The following KIAA0513 variants were observed in gnomAD, a reference collection of about 807,000 sequenced individuals.
KIAA0513 encodes KIAA0513, also known as uncharacterized protein KIAA0513.
In KIAA0513, 39 loss-of-function variants were observed where a neutral mutation model predicts 56.5. That is an observed-to-expected ratio of 0.69 (90% CI 0.53 to 0.90). KIAA0513 has a LOEUF of 0.90. Among genes scored for constraint, KIAA0513 ranks in the 40% least tolerant of loss-of-function variants. KIAA0513 has a pLI of 0.00. For missense variants in KIAA0513, 591 were observed against 535.2 expected (o/e 1.10, Z -1.03); for synonymous variants, 268 against 215.6 (o/e 1.24, Z -2.13).
At chr16:85,041,130 G>T (rs572924091) in intron 1 of KIAA0513, among the ~76,000 whole-genome samples, 76 of 152,266 alleles carry the variant, frequency 5.0e-4, no homozygotes, top group Non-Finnish European at 5.9e-5. Flanking sequence ...CAGTTTTAGG[G>T]TTTTGGGGAA....
intron 1 of KIAA0513, among the ~76,000 whole-genome samples, chr16:85,057,005 G>T (rs1226651907): frequency 6.6e-6 from 1 of 152,166 alleles, no homozygotes; most frequent in Non-Finnish European, 1.5e-5. Flanking sequence ...GCACCCAGCC[G>T]AGATACTTGT....
chr16:85,052,959 C>T (rs760962134), intron 1 of KIAA0513, among the ~76,000 whole-genome samples: 11 of 152,112 alleles, frequency 7.2e-5, no homozygotes, highest in East Asian at 5.8e-4. Context: ...GGCACGATCT[C>T]GGCTCACTGC....
intron 1 of KIAA0513, among the ~76,000 whole-genome samples, chr16:85,035,125 T>C (rs910488103): frequency 1.3e-5 from 2 of 152,170 alleles, no homozygotes; most frequent in Non-Finnish European, 2.9e-5. Flanking sequence ...CAGGACATCT[T>C]CCCGGAGCCC....
rs2073491536 is a variant in KIAA0513, at chr16:85,066,976, G to A, written c.-96G>A. 2 of 1,087,930 alleles carry A rather than the reference G, an allele frequency of 1.8e-6. No homozygotes were observed. The highest frequency in any genetic ancestry group is 2.6e-6 in the Non-Finnish European group (2 of 768,708). 67.4% of individuals were successfully genotyped at this position (1,087,930 alleles called of 1,614,324 possible). ...CAGTTACTGGCAACTTGTGAGCTTG[G>A]TGGGCTCCTACTAACGCACCTGGGA... On this transcript the variant is annotated 5_prime_UTR_variant, in exon 2 of 13. The change creates a new upstream start codon in the 5' untranslated region. Transcript: ENST00000683363.
intron 12 of KIAA0513, among the ~76,000 whole-genome samples, chr16:85,087,870 G>A (rs942334355): frequency 2.6e-5 from 4 of 152,236 alleles, no homozygotes; most frequent in African/African-American, 4.8e-5. Flanking sequence ...AATGTTGCTC[G>A]CAGCCCCACC....
intron 1 of KIAA0513, among the ~76,000 whole-genome samples, chr16:85,061,371 G>C (rs1357928271): frequency 6.6e-6 from 1 of 152,146 alleles, no homozygotes; most frequent in South Asian, 2.1e-4. Context: ...AGGGCCCCTG[G>C]TTCTCCAGCT....
intron 1 of KIAA0513, among the ~76,000 whole-genome samples, chr16:85,053,498 C>G (rs1197691339): frequency 1.3e-5 from 2 of 152,142 alleles, no homozygotes; most frequent in African/African-American, 4.8e-5. Flanking sequence ...TAGGCCTGGA[C>G]TAGAGTTTGC....
intron 1 of KIAA0513, among the ~76,000 whole-genome samples, chr16:85,041,424 C>T (rs1431718273): frequency 3.9e-5 from 6 of 152,202 alleles, no homozygotes; most frequent in Non-Finnish European, 7.3e-5. Flanking sequence ...GCATCTGCCT[C>T]CTGGAGTCAG....
chr16:85,082,812 C>T (rs967772992), intron 10 of KIAA0513, among the ~76,000 whole-genome samples: 40 of 152,222 alleles, frequency 2.6e-4, no homozygotes, highest in African/African-American at 9.2e-4. Flanking sequence ...GGGAGCCTGC[C>T]AAGGCCGGAG....
chr16:85,082,566 G>A lies in KIAA0513; in HGVS notation c.983G>A (p.Gly328Glu). Reference protein sequence around the residue: ...ERTKRSPTTRGDAGEEEEKRE... With the variant: ...ERTKRSPTTREDAGEEEEKRE... ...ACCTGTTTCTGCTGCCGCTCCAGAG[G>A]GGATGCTGGAGAGGAGGAGGAGAAG... is the stretch of plus-strand genomic sequence containing the variant. The change falls in exon 10 of 13, where the codon GGG becomes GAG. Residue 328 changes from glycine to glutamate, a missense_variant and splice_region_variant. Transcript: ENST00000683363. 2 of 1,614,046 alleles carry A rather than the reference G, an allele frequency of 1.2e-6. No individual in the cohort carries two copies. Among genetic ancestry groups the A allele is most frequent in the South Asian group, 1.1e-5 (1 of 91,076 alleles).
At chr16:85,049,689 C>G (rs2073221927) in intron 1 of KIAA0513, among the ~76,000 whole-genome samples, 1 of 152,162 alleles carries the variant, frequency 6.6e-6, no homozygotes, top group Non-Finnish European at 1.5e-5. Context: ...TGAGGCATCC[C>G]CAGAAGTCAA....
intron 1 of KIAA0513, among the ~76,000 whole-genome samples, chr16:85,060,877 G>T (rs1248735097): frequency 6.6e-6 from 1 of 151,586 alleles, no homozygotes; most frequent in Non-Finnish European, 1.5e-5. Flanking sequence ...AAAAAGACTG[G>T]GCCCAGTGGC....
chr16:85,068,719 G>A (rs1489634760), intron 2 of KIAA0513, among the ~76,000 whole-genome samples: 10 of 151,774 alleles, frequency 6.6e-5, no homozygotes, highest in East Asian at 5.8e-4. Context: ...CGCCTGCCTC[G>A]GCCTCCCAAA....
rs1212225400 is a variant in KIAA0513, at chr16:85,081,191, C to CGA, written c.903-124_903-123insGA. 1.1e-6 allele frequency: 1 copy of CGA among 873,972 alleles called. No homozygotes were observed. The highest frequency in any genetic ancestry group is 1.7e-5 in the African/African-American group (1 of 60,432). The allele number at this position is 873,972 out of a possible 1,614,324, so 54.1% of individuals were successfully genotyped here. A position where few individuals can be genotyped will look rare whatever the true frequency, so the allele number is the denominator to read the frequency against. ...GTTTTTCCTTCTCAGCCCTACCTCT[C>CGA]TGAGACTTCTTAGAAGCTCAGACAG... On this transcript the variant is annotated intron_variant, in intron 8 of 12. Transcript: ENST00000683363. The surrounding 1 kb of genome is among the most constrained non-coding windows in gnomAD (Gnocchi z 4.4).
intron 4 of KIAA0513, 27 bp downstream of exon 4, chr16:85,073,025 T>C: frequency 6.3e-7 from 1 of 1,594,156 alleles, no homozygotes; most frequent in Non-Finnish European, 8.6e-7. Flanking sequence ...CACAAAGCCT[T>C]TGTCCTGGCA....
At chr16:85,072,009 T>C (rs2073584052) in intron 3 of KIAA0513, 127 bp downstream of exon 3, 1 of 652,888 alleles carries the variant, frequency 1.5e-6, no homozygotes, top group Non-Finnish European at 2.7e-6. Context: ...GACCCAACAG[T>C]AAAAAAAGTA....
chr16:85,053,023 G>A (rs1359713353), intron 1 of KIAA0513, among the ~76,000 whole-genome samples: 4 of 152,098 alleles, frequency 2.6e-5, no homozygotes, highest in African/African-American at 4.8e-5. Context: ...AAGTAGCTGG[G>A]ATTACAGGTG....
chr16:85,059,552 G>T (rs1252415922), intron 1 of KIAA0513, among the ~76,000 whole-genome samples: 1 of 152,186 alleles, frequency 6.6e-6, no homozygotes, highest in Non-Finnish European at 1.5e-5. Flanking sequence ...GGTCTGCCTG[G>T]AGGTGGTCCC....
chr16:85,049,655 C>T (rs1046815221), intron 1 of KIAA0513, among the ~76,000 whole-genome samples: 1 of 152,112 alleles, frequency 6.6e-6, no homozygotes, highest in African/African-American at 2.4e-5. Context: ...CCCTCTTAAC[C>T]TTCTGCTGTG....
Sources: gnomAD v4.1 joint callset for allele counts (sites outside exome capture counted in the v4.1 genomes callset) on GRCh38, gnomAD v4.1.1 for gene constraint, Gnocchi (gnomAD v3.1) non-coding constraint, MANE v1.5 for transcripts, NCBI Gene and HGNC (gene_info 2026-07-23, HGNC 2026-07-21) for gene names.